The following TMBIM4 variants were observed in gnomAD, a reference collection of about 807,000 sequenced individuals.
TMBIM4 encodes protein lifeguard 4.
Under a neutral mutation model 27.7 loss-of-function variants are expected in TMBIM4, and 28 were observed. The observed-to-expected ratio is 1.01, with a 90% confidence interval of 0.75 to 1.38. The LOEUF (loss-of-function observed/expected upper bound fraction) is 1.38. Among genes scored for constraint, TMBIM4 ranks in the 40% most tolerant of loss-of-function variants. The pLI is 0.00. For synonymous variants in TMBIM4, 115 were observed against 113.1 expected, an observed-to-expected ratio of 1.02 and a Z score of -0.11; for missense variants, 265 against 277.5, an observed-to-expected ratio of 0.95 and a Z score of 0.32.
intron 3 of TMBIM4, among the ~76,000 whole-genome samples, chr12:66,149,005 AC>A (rs2051797117): frequency 6.6e-6 from 1 of 152,132 alleles, no homozygotes; most frequent in African/African-American, 2.4e-5. Context: ...CCTGTACTCC[AC>A]CCTACCTGAT....
chr12:66,162,384 C>T (rs1052761315), intron 1 of TMBIM4, among the ~76,000 whole-genome samples: 2 of 152,206 alleles, frequency 1.3e-5, no homozygotes, highest in East Asian at 3.8e-4. Context: ...ACATGGAATG[C>T]ATTTGCCACA....
At chr12:66,167,407 A>G (rs991468557) in intron 1 of TMBIM4, among the ~76,000 whole-genome samples, 1 of 152,242 alleles carries the variant, frequency 6.6e-6, no homozygotes, top group African/African-American at 2.4e-5. Flanking sequence ...CTATGAACCT[A>G]AAATTGCTTT....
intron 1 of TMBIM4, among the ~76,000 whole-genome samples, chr12:66,164,341 T>C (rs1266048505): frequency 6.6e-6 from 1 of 152,102 alleles, no homozygotes; most frequent in African/African-American, 2.4e-5. Context: ...AGAGAAAAGA[T>C]AGTGGATCTA....
chr12:66,163,300 C>T (rs1289311661), intron 1 of TMBIM4, among the ~76,000 whole-genome samples: 2 of 152,124 alleles, frequency 1.3e-5, no homozygotes, highest in Non-Finnish European at 2.9e-5. Flanking sequence ...TTCTTAATTA[C>T]TCTAATATAT....
chr12:66,146,885 G>A (rs1225561635), intron 4 of TMBIM4, among the ~76,000 whole-genome samples: 1 of 152,062 alleles, frequency 6.6e-6, no homozygotes, highest in Non-Finnish European at 1.5e-5. Context: ...TTAAGTATAC[G>A]ATTAGGTTGA....
chr12:66,146,023 G>C, intron 4 of TMBIM4, 65 bp from the exon 5 acceptor site: 1 of 771,732 alleles, frequency 1.3e-6, no homozygotes, highest in South Asian at 1.9e-5. Context: ...GCTTTTTCTG[G>C]CATTTTATAG....
At chr12:66,140,305 A>G (rs1389944224) in intron 5 of TMBIM4, among the ~76,000 whole-genome samples, 1 of 152,124 alleles carries the variant, frequency 6.6e-6, no homozygotes. Context: ...TTTTTTTTCA[A>G]AAGACACAAA....
chr12:66,138,727 C>T lies in TMBIM4; in HGVS notation c.507G>A (p.Leu169=). 4 of 1,550,622 alleles carry T rather than the reference C, an allele frequency of 2.6e-6. No homozygotes were observed. The highest frequency in any genetic ancestry group is 3.5e-6 in the Non-Finnish European group (4 of 1,158,530). The part of the protein sequence containing the change: ...LLWILCLSGF[L]KFFFYSEIME... ...TAACCATTATAACATAACTTACCTT[C>T]AAGAATCCTGACAGGCACAATATCC... The change falls in exon 6 of 7, where the codon TTG becomes TTA. Residue 169 remains leucine (L), a synonymous_variant. Coordinates refer to ENST00000358230, the MANE Select transcript of TMBIM4 (RefSeq NM_016056.4).
At chr12:66,143,170 T>C (rs111405072) in intron 5 of TMBIM4, among the ~76,000 whole-genome samples, 6 of 152,292 alleles carry the variant, frequency 3.9e-5, no homozygotes, top group African/African-American at 1.4e-4. Flanking sequence ...CCTACAAATA[T>C]TCTGCCTAAG....
Position 66,137,664 on chromosome 12 carries a change from G to A in TMBIM4, c.*296C>T, listed in dbSNP as rs1258841726. On this transcript the variant is annotated 3_prime_UTR_variant, in exon 7 of 7. Coordinates refer to ENST00000358230, the MANE Select transcript of TMBIM4 (RefSeq NM_016056.4). ...CTGCCTCGGTCTCCCAAAGTGGTGG[G>A]ATTACAGGCGTGAGCCACTGTGCCC... The A allele has an allele frequency of 3.2e-6, 1 of 307,938 alleles. No individual in the cohort carries two copies. Among genetic ancestry groups the A allele is most frequent in the Non-Finnish European group, 6.2e-6 (1 of 160,824 alleles). The allele number at this position is 307,938 out of a possible 1,614,324, so 19.1% of individuals were successfully genotyped here.
In TMBIM4 at chr12:66,138,166, A is replaced by T; in HGVS notation, c.511T>A (p.Phe171Ile). The change falls in exon 7 of 7, where the codon TTT becomes ATT. Residue 171 changes from phenylalanine to isoleucine, a missense_variant and splice_region_variant. Phe to Ile is a conservative substitution (Grantham distance 21). Transcript: ENST00000358230. ...TCCATTATCTCACTATAAAAAAAAAACTATAGGGAAGAGATTAAAGAAATA... is the reference window on the plus strand; with the variant it reads ...TCCATTATCTCACTATAAAAAAAAATCTATAGGGAAGAGATTAAAGAAATA... ...WILCLSGFLK[F>I]FFYSEIMELV... is the part of the protein sequence containing the mutation. The T allele has an allele frequency of 1.9e-6, 3 of 1,606,716 alleles. 1 individual carries two copies. The highest frequency in any genetic ancestry group is 2.2e-5 in the South Asian group (2 of 89,230).
At chr12:66,139,688 T>G (rs1303025888) in intron 5 of TMBIM4, 1 of 455,988 alleles carries the variant, frequency 2.2e-6, no homozygotes, top group South Asian at 1.5e-5. Context: ...CCACCAAAAG[T>G]GAGCACTCTG....
At chr12:66,146,279 C>G (rs1027675277) in intron 4 of TMBIM4, among the ~76,000 whole-genome samples, 2 of 152,150 alleles carry the variant, frequency 1.3e-5, no homozygotes, top group African/African-American at 2.4e-5. Context: ...CCATCTCTGT[C>G]CCAGGCACAG....
chr12:66,153,837 CGTTAA>C (rs1258336697), intron 1 of TMBIM4, among the ~76,000 whole-genome samples: 2 of 149,550 alleles, frequency 1.3e-5, no homozygotes, highest in African/African-American at 5.1e-5. Flanking sequence ...AGCATATAAA[CGTTAA>C]GTTTTTTTAT....
intron 5 of TMBIM4, among the ~76,000 whole-genome samples, chr12:66,144,070 T>C (rs2051712967): frequency 6.6e-6 from 1 of 152,080 alleles, no homozygotes; most frequent in Non-Finnish European, 1.5e-5. Flanking sequence ...AGTGAAGTGT[T>C]AGGGTTTTAA....
chr12:66,155,333 T>TGAGAGAGAGAGAGAGAGAGAGA (rs1395788670), intron 1 of TMBIM4, among the ~76,000 whole-genome samples: 12 of 72,590 alleles, frequency 1.7e-4, no homozygotes, highest in Admixed American at 8.8e-4. Flanking sequence ...TGTGCACACG[T>TGAGAGAGAGAGAGAGAGAGAGA]GTGAGAGAGA....
At position 66,145,923 on chromosome 12, in the gene TMBIM4, A is replaced by G; in HGVS notation, c.382T>C (p.Phe128Leu). ...AAAAATACTGTAGTAGTCAGTATGA[A>G]AGCTTGCAGAATAATATATACATCA... ...FYDVYIILQA[F>L]ILTTTVFFGL... The change falls in exon 5 of 7, where the codon TTC becomes CTC. Residue 128 changes from phenylalanine to leucine, a missense_variant. Coordinates refer to ENST00000358230, the MANE Select transcript of TMBIM4 (RefSeq NM_016056.4). 1 of 1,592,590 alleles carries G rather than the reference A, an allele frequency of 6.3e-7. No individual in the cohort carries two copies.
chr12:66,139,009 A>G, intron 5 of TMBIM4: 1 of 389,982 alleles, frequency 2.6e-6, no homozygotes, highest in Non-Finnish European at 4.2e-6. Flanking sequence ...CCTAGTTAAC[A>G]GTATAATTTG....
intron 1 of TMBIM4, chr12:66,160,333 C>T: frequency 1.5e-6 from 1 of 660,348 alleles, no homozygotes; most frequent in Non-Finnish European, 2.8e-6. Flanking sequence ...ATTTAAAATG[C>T]ACATACTCTT....
Sources: allele counts gnomAD v4.1 joint callset (sites outside exome capture counted in the v4.1 genomes callset), GRCh38; gene constraint gnomAD v4.1.1; transcripts MANE v1.5; gene names NCBI Gene and HGNC (gene_info 2026-07-23, HGNC 2026-07-21).